TRPC6: variants seen among roughly 807,000 people sequenced by gnomAD.
The protein encoded by TRPC6 is transient receptor potential cation channel subfamily C member 6.
In TRPC6, 55 loss-of-function variants were observed where a neutral mutation model predicts 90.7. That is an observed-to-expected ratio of 0.61 (90% confidence interval 0.49 to 0.76). The LOEUF (loss-of-function observed/expected upper bound fraction) is 0.76, where lower values mean the gene tolerates loss of function less well. TRPC6 is among the 30% of genes least tolerant of loss of function. The pLI, the probability that TRPC6 is intolerant of heterozygous loss-of-function variation, is 0.00. For missense variants in TRPC6, 989 were observed against 1,122.7 expected (o/e 0.88, Z 1.70); for synonymous variants, 393 against 393.0 (o/e 1.00, Z 0.00).
At chr11:101,549,478 A>G (rs2136838354) in intron 1 of TRPC6, among the ~76,000 whole-genome samples, 1 of 151,786 alleles carries the variant, frequency 6.6e-6, no homozygotes, top group East Asian at 1.9e-4. Context: ...CATTTATCAG[A>G]TCTTATACTG....
chr11:101,497,913 G>C (rs75162908), intron 2 of TRPC6, among the ~76,000 whole-genome samples: 1 of 152,108 alleles, frequency 6.6e-6, no homozygotes, highest in South Asian at 2.1e-4. Context: ...GGATTTTTAA[G>C]AGGAATAAAA....
At chr11:101,549,775 T>C (rs970614531) in intron 1 of TRPC6, among the ~76,000 whole-genome samples, 3 of 151,256 alleles carry the variant, frequency 2.0e-5, no homozygotes, top group African/African-American at 7.3e-5. Context: ...GAGAAAGAAC[T>C]ATTATGGCCC....
At position 101,484,175 on chromosome 11, in the gene TRPC6, A is replaced by G. The variant is rs1050640256; in HGVS notation, c.1294-1010T>C. The stretch of plus-strand genomic sequence containing the variant: ...CTGTTAACTTGTAATCATTACAACA[A>G]TTCAAAAGGGCAGGTGCACTCAAAT... On this transcript the variant is annotated intron_variant, in intron 4 of 12. Transcript: ENST00000344327. Among the ~76,000 whole-genome samples the G allele has an allele frequency of 3.9e-5, 6 of 152,318 alleles. No individual in the cohort carries two copies. In the South Asian group the frequency reaches 1.0e-3, roughly 26 times the overall value.
intron 1 of TRPC6, among the ~76,000 whole-genome samples, chr11:101,556,569 A>G (rs904760456): frequency 9.9e-5 from 15 of 152,208 alleles, no homozygotes; most frequent in African/African-American, 3.6e-4. Flanking sequence ...ACCAATAATT[A>G]AAAGTCTTTC....
rs779429635 is a variant in TRPC6 at position 101,504,401 on chromosome 11, T to C, written c.568A>G (p.Lys190Glu). The C allele has an allele frequency of 6.2e-7, 1 of 1,614,124 alleles. No homozygotes were observed. Among genetic ancestry groups the C allele is most frequent in the East Asian group, 2.2e-5 (1 of 44,874 alleles). The part of the protein sequence containing the change: ...ILSHPAFAEG[K>E]RLATSPSQSE... ...TGGCTAGGGCTGGTTGCTAACCTCT[T>C]GCCTTCAGCAAAAGCCGGATGACTG... The change falls in exon 2 of 13, where the codon AAG (lysine) becomes GAG (glutamate). Residue 190 changes from lysine (K) to glutamate (E), a missense_variant. Lys to Glu is a moderately conservative substitution (Grantham distance 56). Around this residue, in one of 4 missense-constraint regions of TRPC6, gnomAD observed 486 missense variants for 591.9 expected, o/e 0.82. Transcript: ENST00000344327.
intron 1 of TRPC6, among the ~76,000 whole-genome samples, chr11:101,517,384 G>A (rs1388760982): frequency 6.6e-6 from 1 of 152,168 alleles, no homozygotes; most frequent in Admixed American, 6.5e-5. Context: ...CTTGTTTTCA[G>A]TCTTTACAGA....
intron 1 of TRPC6, among the ~76,000 whole-genome samples, chr11:101,577,265 CA>C (rs34838220): frequency 0.072 from 10,962 of 152,166 alleles, 526 homozygotes; most frequent in East Asian, 0.11. Context: ...TATAAGAAAT[CA>C]TTGTGTCGCA....
intron 1 of TRPC6, among the ~76,000 whole-genome samples, chr11:101,509,236 C>A (rs1438110166): frequency 6.6e-6 from 1 of 151,420 alleles, no homozygotes; most frequent in Admixed American, 6.6e-5. Flanking sequence ...GTAGCTGGGA[C>A]TAAAGGCACA....
intron 5 of TRPC6, among the ~76,000 whole-genome samples, chr11:101,478,474 C>CTTCCCCTCCTCTTG (rs71056607): frequency 0.3 from 46,115 of 151,934 alleles, 8,520 homozygotes; most frequent in African/African-American, 0.52. Context: ...GTTTTCAAAG[C>CTTCCCCTCCTCTTG]TTCCTCCCAC....
At chr11:101,553,195 A>G (rs1223398649) in intron 1 of TRPC6, among the ~76,000 whole-genome samples, 1 of 152,140 alleles carries the variant, frequency 6.6e-6, no homozygotes, top group African/African-American at 2.4e-5. Context: ...TGATAAATGT[A>G]ATAATTCTAG....
chr11:101,566,473 A>G (rs1861833853), intron 1 of TRPC6, among the ~76,000 whole-genome samples: 1 of 152,226 alleles, frequency 6.6e-6, no homozygotes, highest in South Asian at 2.1e-4. Flanking sequence ...TCAACATGAA[A>G]AGAAAAAATG....
intron 1 of TRPC6, among the ~76,000 whole-genome samples, chr11:101,536,261 C>A (rs559190745): frequency 1.3e-5 from 2 of 152,136 alleles, no homozygotes; most frequent in South Asian, 2.1e-4. Flanking sequence ...GTGGTTCATG[C>A]CTGTAATCCC....
Position 101,533,143 on chromosome 11 carries a change from G to A in TRPC6, c.171-28345C>T, listed in dbSNP as rs190005454. On this transcript the variant is annotated intron_variant, in intron 1 of 12. Coordinates refer to ENST00000344327, the MANE Select transcript of TRPC6 (RefSeq NM_004621.6). ...GGTGATCAGGGTGAAAAAGATGGGA[G>A]TAAGAGTTTGTATTATGCTGTTCTT... Among the ~76,000 whole-genome samples, 1,200 of 152,282 alleles carry A rather than the reference G, an allele frequency of 7.9e-3. 4 individuals carry two copies. Among genetic ancestry groups the A allele is most frequent in the Non-Finnish European group, 0.013 (863 of 68,026 alleles).
Position 101,501,783 on chromosome 11 carries a change from C to T in TRPC6, c.945+2241G>A, listed in dbSNP as rs141300677. ...CCAGTAACTGCCCTTTCTCCTTGTG[C>T]AGTAATTTTGAGTTAGGTTTCTAAT... On this transcript the variant is annotated intron_variant, in intron 2 of 12. Transcript: ENST00000344327. 3.8e-3 allele frequency among the ~76,000 whole-genome samples: 582 copies of T among 152,194 alleles called. 3 individuals are homozygous for T. Among genetic ancestry groups the T allele is most frequent in the African/African-American group, 0.013 (560 of 41,522 alleles).
intron 1 of TRPC6, among the ~76,000 whole-genome samples, chr11:101,568,664 T>C (rs937999873): frequency 6.6e-6 from 1 of 152,192 alleles, no homozygotes; most frequent in Non-Finnish European, 1.5e-5. Context: ...ACAGCGAATC[T>C]CTTGGCAGAA....
At chr11:101,477,885 C>T (rs953534401) in intron 5 of TRPC6, among the ~76,000 whole-genome samples, 11 of 152,154 alleles carry the variant, frequency 7.2e-5, no homozygotes, top group African/African-American at 2.7e-4. Context: ...TGAAGAATCC[C>T]ACTTTTTTAA....
intron 1 of TRPC6, among the ~76,000 whole-genome samples, chr11:101,549,593 T>C (rs566937675): frequency 6.6e-5 from 10 of 150,790 alleles, no homozygotes; most frequent in Non-Finnish European, 1.3e-4. Context: ...GAAAAACATA[T>C]TGAATAAGGG....
intron 2 of TRPC6, among the ~76,000 whole-genome samples, chr11:101,502,492 C>T (rs144087930): frequency 6.6e-6 from 1 of 152,056 alleles, no homozygotes; most frequent in Admixed American, 6.6e-5. Context: ...ATATAATAGT[C>T]TTCAGTGGTT....
At position 101,476,500 on chromosome 11, in the gene TRPC6, A is replaced by T. The variant is rs1859420814; in HGVS notation, c.1545T>A (p.Thr515=). The change falls in exon 6 of 13, where the codon ACT becomes ACA. Residue 515 remains threonine (T), a synonymous_variant. Coordinates refer to ENST00000344327, the MANE Select transcript of TRPC6 (RefSeq NM_004621.6). ...CAAACAAATATTCCTTGGGGCCCTG[A>T]GTCCAGATTTCTTTACATTCAGCCC... is the stretch of plus-strand genomic sequence containing the variant. ...MIWAECKEIW[T]QGPKEYLFEL... 1.9e-6 allele frequency: 3 copies of T among 1,614,114 alleles called. No individual in the cohort carries two copies. The highest frequency in any genetic ancestry group is 2.5e-6 in the Non-Finnish European group (3 of 1,179,984).
Sources: allele counts gnomAD v4.1 joint callset (sites outside exome capture counted in the v4.1 genomes callset), GRCh38; gene constraint gnomAD v4.1.1; regional missense constraint gnomAD v4.1.1; transcripts MANE v1.5; gene names NCBI Gene and HGNC (gene_info 2026-07-23, HGNC 2026-07-21).